The following ASTN2 variants were observed in gnomAD, a reference collection of about 807,000 sequenced individuals.
ASTN2 encodes astrotactin-2.
Under a neutral mutation model 139.8 loss-of-function variants are expected in ASTN2, and 54 were observed. The ratio of observed to expected loss-of-function variants is 0.39; its 90% CI spans 0.31 to 0.48. ASTN2 has a LOEUF of 0.48. Ranked by LOEUF, ASTN2 falls within the 20% of genes least tolerant of loss-of-function variation. The probability of loss-of-function intolerance (pLI) is 0.95; values close to 1 mark genes in which losing one functional copy is unlikely to be tolerated. For synonymous variants in ASTN2, 756 were observed against 719.5 expected (o/e 1.05, Z -0.81); for missense variants, 1,565 against 1,725.1 (o/e 0.91, Z 1.64).
intron 6 of ASTN2, among the ~76,000 whole-genome samples, chr9:117,016,647 TATATATATAA>T (rs1837704743): frequency 3.0e-5 from 3 of 101,370 alleles, no homozygotes; most frequent in African/African-American, 4.1e-5. Context: ...TATATATATA[TATATATATAA>T]CCTATATATA....
At chr9:116,921,301 C>G (rs967180228) in intron 10 of ASTN2, among the ~76,000 whole-genome samples, 2 of 152,164 alleles carry the variant, frequency 1.3e-5, no homozygotes, top group East Asian at 3.9e-4. Context: ...CTATAAAGAA[C>G]TACCTGGCTG....
intron 13 of ASTN2, among the ~76,000 whole-genome samples, chr9:116,752,827 T>C (rs1158364534): frequency 6.6e-6 from 1 of 152,130 alleles, no homozygotes; most frequent in Non-Finnish European, 1.5e-5. Flanking sequence ...CACCACTATA[T>C]AACTATTGGA....
At chr9:117,223,179 G>T (rs996156315) in intron 2 of ASTN2, among the ~76,000 whole-genome samples, 1 of 152,140 alleles carries the variant, frequency 6.6e-6, no homozygotes, top group African/African-American at 2.4e-5. Context: ...TGAAAACAGG[G>T]ATACCATTGA....
chr9:116,625,107 G>C (rs1367311440), intron 17 of ASTN2, among the ~76,000 whole-genome samples: 6 of 152,094 alleles, frequency 3.9e-5, no homozygotes, highest in Non-Finnish European at 8.8e-5. Context: ...AAAAGTGGTG[G>C]TCAACCCTCT....
At chr9:117,328,943 G>A (rs546515356) in intron 1 of ASTN2, among the ~76,000 whole-genome samples, 1 of 152,298 alleles carries the variant, frequency 6.6e-6, no homozygotes. Context: ...ATGAATTAAG[G>A]TTTGGATGCC....
In ASTN2 at chr9:116,976,154, C is replaced by T. The variant is rs1212209181; in HGVS notation, c.1711G>A (p.Asp571Asn). The change falls in exon 9 of 23, where the codon GAT (aspartate) becomes AAT (asparagine). Residue 571 changes from aspartate to asparagine, a missense_variant. By Grantham distance (23) the Asp-to-Asn change is conservative. This residue lies in a region of ASTN2 where 503 missense variants were observed against 591.7 expected (regional missense o/e 0.85). Coordinates refer to ENST00000313400, the MANE Select transcript of ASTN2 (RefSeq NM_001365068.1). ...GGGGCTTGCTCCCCTGTCACCAGAT[C>T]ATAGCCCCTCTCAAGTGTCGTGTAG... ...WPYTTLERGY[D>N]LVTGEQAPEK... 1 of 1,614,174 alleles carries T rather than the reference C, an allele frequency of 6.2e-7. No individual in the cohort carries two copies. The highest frequency in any genetic ancestry group is 1.1e-5 in the South Asian group (1 of 91,076).
At chr9:117,023,123 C>G (rs777415721) in intron 6 of ASTN2, among the ~76,000 whole-genome samples, 1 of 152,280 alleles carries the variant, frequency 6.6e-6, no homozygotes. Flanking sequence ...AATGAACCAG[C>G]TTAGCCTAAA....
At position 116,645,412 on chromosome 9, in the gene ASTN2, G is replaced by C. The variant is rs555014878; in HGVS notation, c.3072+6116C>G. Among the ~76,000 whole-genome samples the C allele has an allele frequency of 7.0e-4, 106 of 152,186 alleles. 1 individual carries two copies. Among genetic ancestry groups the C allele is most frequent in the African/African-American group, 2.4e-3 (101 of 41,530 alleles). ...CAGCACAAGGTATAATCAAGGGCTCGTTTCCAGCTTAGGCAGAAGGCATCA... is the reference window on the plus strand; with the variant it reads ...CAGCACAAGGTATAATCAAGGGCTCCTTTCCAGCTTAGGCAGAAGGCATCA... On this transcript the variant is annotated intron_variant, in intron 17 of 22. Coordinates refer to ENST00000313400, the MANE Select transcript of ASTN2 (RefSeq NM_001365068.1).
chr9:116,449,075 G>A (rs1848095690), intron 20 of ASTN2, among the ~76,000 whole-genome samples: 1 of 152,200 alleles, frequency 6.6e-6, no homozygotes, highest in Admixed American at 6.5e-5. Flanking sequence ...CCTTAGGCAA[G>A]TTAATCGACC....
intron 1 of ASTN2, among the ~76,000 whole-genome samples, chr9:117,295,619 GTA>G (rs899555991): frequency 1.3e-5 from 2 of 151,462 alleles, no homozygotes; most frequent in Non-Finnish European, 2.9e-5. Flanking sequence ...CAGTGATTTG[GTA>G]TATATATATT....
rs73655519 is a variant in ASTN2 at position 116,904,949 on chromosome 9, C to T, written c.1890-41216G>A. Among the ~76,000 whole-genome samples the T allele has an allele frequency of 2.8e-3, 426 of 152,234 alleles. 3 individuals carry two copies. Among genetic ancestry groups the T allele is most frequent in the African/African-American group, 9.7e-3 (402 of 41,544 alleles). On this transcript the variant is annotated intron_variant, in intron 10 of 22. Coordinates refer to ENST00000313400, the MANE Select transcript of ASTN2 (RefSeq NM_001365068.1). ...CCAGGCCAAATGCCCTTCCACCCTC[C>T]GCACCCCCAACTCTCCTCCAAGTCC...
rs551900964 is a variant in ASTN2, at chr9:116,596,511, T to C, written c.3355+21813A>G. Among the ~76,000 whole-genome samples, 98 of 152,310 alleles carry C rather than the reference T, an allele frequency of 6.4e-4. 1 individual carries two copies. Among genetic ancestry groups the C allele is most frequent in the East Asian group, 9.6e-4 (5 of 5,188 alleles). On this transcript the variant is annotated intron_variant, in intron 19 of 22. Transcript: ENST00000313400. ...AAATTATTGGAGGCGATGGGTATGT[T>C]TGTATCTTGCTTGTGGTGATGACAT...
At chr9:116,689,728 C>T (rs1860468873) in intron 16 of ASTN2, among the ~76,000 whole-genome samples, 1 of 152,142 alleles carries the variant, frequency 6.6e-6, no homozygotes, top group Non-Finnish European at 1.5e-5. Flanking sequence ...GGGGGTAAAT[C>T]TCTCTGATTA....
intron 20 of ASTN2, among the ~76,000 whole-genome samples, chr9:116,465,153 C>T (rs138794514): frequency 1.8e-4 from 28 of 152,326 alleles, no homozygotes; most frequent in African/African-American, 6.3e-4. Flanking sequence ...GCCTCCACCA[C>T]GAAGGCTGCA....
intron 5 of ASTN2, among the ~76,000 whole-genome samples, chr9:117,051,212 T>G (rs1411211021): frequency 1.8e-5 from 2 of 113,508 alleles, no homozygotes; most frequent in African/African-American, 6.4e-5. Flanking sequence ...CACCTAAACT[T>G]GGAGCTTATT....
At chr9:116,542,720 C>A (rs927362722) in intron 19 of ASTN2, among the ~76,000 whole-genome samples, 13 of 151,902 alleles carry the variant, frequency 8.6e-5, no homozygotes, top group African/African-American at 3.1e-4. Flanking sequence ...CTCAGGAGTT[C>A]AAGACCAGCC....
rs529366499 is a variant in ASTN2 at position 117,197,640 on chromosome 9, T to C, written c.1015+16718A>G. Reference sequence around the variant, plus strand: ...ACACACATCCATATACATATGTATGTATGTTATGGCTATATTGGAAAATGC... The same window carrying C: ...ACACACATCCATATACATATGTATGCATGTTATGGCTATATTGGAAAATGC... On this transcript the variant is annotated intron_variant, in intron 3 of 22. Coordinates refer to ENST00000313400, the MANE Select transcript of ASTN2 (RefSeq NM_001365068.1). 2.3e-4 allele frequency among the ~76,000 whole-genome samples: 35 copies of C among 152,350 alleles called. No homozygotes were observed. The South Asian group carries it at 5.8e-3, about 25-fold the overall frequency.
At chr9:117,242,924 T>C (rs760508068) in intron 2 of ASTN2, among the ~76,000 whole-genome samples, 4 of 152,254 alleles carry the variant, frequency 2.6e-5, no homozygotes, top group Non-Finnish European at 5.9e-5. Flanking sequence ...TGTTGATTCC[T>C]GCATTCTTTC....
chr9:116,548,073 C>T (rs1291385282), intron 19 of ASTN2, among the ~76,000 whole-genome samples: 4 of 150,340 alleles, frequency 2.7e-5, no homozygotes, highest in African/African-American at 4.9e-5. Context: ...AGCTCCCCCA[C>T]CCCAGGATGC....
Sources: gnomAD v4.1 joint callset for allele counts (sites outside exome capture counted in the v4.1 genomes callset) on GRCh38, gnomAD v4.1.1 for gene constraint, gnomAD v4.1.1 regional missense constraint, MANE v1.5 for transcripts, NCBI Gene and HGNC (gene_info 2026-07-23, HGNC 2026-07-21) for gene names.